MYOF: variants seen among roughly 807,000 people sequenced by gnomAD.
MYOF encodes the protein fer-1-like 3, myoferlin.
A neutral mutation model predicts 284.2 loss-of-function variants in MYOF; 244 were observed. The ratio of observed to expected loss-of-function variants is 0.86; its 90% CI spans 0.77 to 0.95. The LOEUF (loss-of-function observed/expected upper bound fraction) is 0.95, where lower values mean the gene tolerates loss of function less well. Ranked by LOEUF, MYOF falls within the 40% of genes least tolerant of loss-of-function variation. The pLI is 0.00. For synonymous variants in MYOF, 904 were observed against 919.7 expected (o/e 0.98, Z 0.31); for missense variants, 2,496 against 2,560.6 (o/e 0.97, Z 0.54).
chr10:93,376,764 TC>T (rs1589463950), intron 22 of MYOF, among the ~76,000 whole-genome samples: 1 of 152,180 alleles, frequency 6.6e-6, no homozygotes, highest in East Asian at 1.9e-4. Context: ...CTGAGCTGTT[TC>T]CCCGAATCAG....
At chr10:93,375,391 T>G (rs1845791509) in intron 22 of MYOF, among the ~76,000 whole-genome samples, 1 of 152,236 alleles carries the variant, frequency 6.6e-6, no homozygotes, top group African/African-American at 2.4e-5. Flanking sequence ...CCTGGGCCTT[T>G]AAGCAATCTA....
intron 1 of MYOF, among the ~76,000 whole-genome samples, chr10:93,469,205 GC>G (rs2057081295): frequency 1.3e-5 from 2 of 152,118 alleles, no homozygotes; most frequent in African/African-American, 4.8e-5. Context: ...TTCGAGGCCA[GC>G]CTGGCCAACT....
chr10:93,333,933 G>T lies in MYOF; in HGVS notation c.4564-20C>A. ...GGAGCCCTAAAAGAGAGAGACAGAA[G>T]GACTCACAGGGCCCTGGGTGGCCCA... is the stretch of plus-strand genomic sequence containing the variant. On this transcript the variant is annotated intron_variant, in intron 41 of 53. Coordinates refer to ENST00000359263, the MANE Select transcript of MYOF (RefSeq NM_013451.4). The T allele has an allele frequency of 6.2e-7, 1 of 1,610,500 alleles. No homozygotes were observed. Among genetic ancestry groups the T allele is most frequent in the Non-Finnish European group, 8.5e-7 (1 of 1,178,334 alleles).
rs1404743834 is a variant in MYOF, at chr10:93,356,728, C to A, written c.3241G>T (p.Ala1081Ser). The change falls in exon 30 of 54, where the codon GCT (alanine) becomes TCT (serine). Residue 1081 changes from alanine to serine, a missense_variant. Coordinates refer to ENST00000359263, the MANE Select transcript of MYOF (RefSeq NM_013451.4). ...GCTGCACCATGTGTTTCTGAAGGAGCCATTTTTCTCCTCCAGCGTCTGCGG... is the reference window on the plus strand; with the variant it reads ...GCTGCACCATGTGTTTCTGAAGGAGACATTTTTCTCCTCCAGCGTCTGCGG... ...FRRRRWRRKMAPSETHGAAAI... is the reference protein window; with the variant it reads ...FRRRRWRRKMSPSETHGAAAI... 6.2e-7 allele frequency: 1 copy of A among 1,614,142 alleles called. No homozygotes were observed. The highest frequency in any genetic ancestry group is 8.5e-7 in the Non-Finnish European group (1 of 1,180,014).
chr10:93,476,085 C>G (rs978486264), intron 1 of MYOF, among the ~76,000 whole-genome samples: 2 of 152,040 alleles, frequency 1.3e-5, no homozygotes, highest in Admixed American at 1.3e-4. Context: ...TGGGAATACC[C>G]GAGTAGTGTG....
intron 1 of MYOF, among the ~76,000 whole-genome samples, chr10:93,460,535 G>A (rs964855162): frequency 1.3e-5 from 2 of 152,142 alleles, no homozygotes; most frequent in South Asian, 2.1e-4. Flanking sequence ...AGGCCAAGGC[G>A]GGTGGACTGC....
intron 1 of MYOF, among the ~76,000 whole-genome samples, chr10:93,462,783 G>C (rs934928911): frequency 1.3e-5 from 2 of 149,958 alleles, no homozygotes; most frequent in Non-Finnish European, 3.0e-5. Flanking sequence ...TCAGCAGCCA[G>C]TCACATATTT....
In MYOF at chr10:93,396,193, T is replaced by C. The variant is rs1421423935; in HGVS notation, c.1366A>G (p.Thr456Ala). The stretch of plus-strand genomic sequence containing the variant: ...ATTTTAGAGAGGTGTAGATATGTTG[T>C]TCCAACTACATCATTTTTAGTAAGA... Reference protein sequence around the residue: ...DRLTKNDVVGTTYLHLSKIAA... With the variant: ...DRLTKNDVVGATYLHLSKIAA... Residue 456 changes from threonine (T) to alanine (A), a missense_variant, in exon 16 of 54, where the codon ACA becomes GCA. Around this residue, in one of 3 missense-constraint regions of MYOF, gnomAD observed 2,436 missense variants for 2,480.7 expected, o/e 0.98. Coordinates refer to ENST00000359263, the MANE Select transcript of MYOF (RefSeq NM_013451.4). 2 of 1,605,038 alleles carry C rather than the reference T, an allele frequency of 1.2e-6. No homozygotes were observed. Among genetic ancestry groups the C allele is most frequent in the South Asian group, 1.1e-5 (1 of 88,926 alleles).
At chr10:93,332,693 A>C (rs551293244) in intron 43 of MYOF, among the ~76,000 whole-genome samples, 14 of 152,040 alleles carry the variant, frequency 9.2e-5, no homozygotes, top group African/African-American at 2.9e-4. Context: ...AAAATACAAA[A>C]AAAATTAGCC....
chr10:93,472,710 TA>T (rs1163872417), intron 1 of MYOF, among the ~76,000 whole-genome samples: 1 of 152,212 alleles, frequency 6.6e-6, no homozygotes, highest in Non-Finnish European at 1.5e-5. Flanking sequence ...AATCTTACGT[TA>T]TATGTGTTTT....
At chr10:93,344,302 GT>G (rs1169925215) in intron 37 of MYOF, among the ~76,000 whole-genome samples, 1 of 152,128 alleles carries the variant, frequency 6.6e-6, no homozygotes, top group Admixed American at 6.5e-5. Context: ...GGTACAAGAG[GT>G]TTTTGGTTAC....
At chr10:93,438,710 C>A (rs1370551996) in intron 3 of MYOF, among the ~76,000 whole-genome samples, 1 of 152,096 alleles carries the variant, frequency 6.6e-6, no homozygotes, top group East Asian at 1.9e-4. Context: ...GAAGGCAACG[C>A]GGGATCTGGG....
chr10:93,360,042 T>G (rs1844995456), intron 28 of MYOF, 64 bp from the exon 29 acceptor site: 45 of 1,590,664 alleles, frequency 2.8e-5, no homozygotes, highest in Non-Finnish European at 3.8e-5. Flanking sequence ...CAAATAAACC[T>G]CGAGGAAACA....
At chr10:93,452,663 C>T (rs1009720806) in intron 2 of MYOF, among the ~76,000 whole-genome samples, 7 of 151,616 alleles carry the variant, frequency 4.6e-5, no homozygotes, top group Non-Finnish European at 5.9e-5. Context: ...ATGTAACAAA[C>T]CTGCACTTTG....
chr10:93,455,336 C>T (rs961791108), intron 2 of MYOF, among the ~76,000 whole-genome samples: 1 of 150,368 alleles, frequency 6.7e-6, no homozygotes, highest in Non-Finnish European at 1.5e-5. Flanking sequence ...AAAAAAAACC[C>T]CCAAGGCATT....
chr10:93,323,455 CT>C (rs1554837195), intron 46 of MYOF, 97 bp from the exon 47 acceptor site: 1 of 527,988 alleles, frequency 1.9e-6, no homozygotes. Flanking sequence ...CTATTTCTTT[CT>C]TTGGTCTCTC....
rs371546726 is a variant in MYOF, at chr10:93,349,881, C to T, written c.4010G>A (p.Arg1337Lys). The T allele has an allele frequency of 1.9e-6, 3 of 1,614,128 alleles. No homozygotes were observed. Among genetic ancestry groups the T allele is most frequent in the Middle Eastern group, 3.3e-4 (2 of 6,062 alleles). The change falls in exon 36 of 54, where the codon AGG becomes AAG. Residue 1337 changes from arginine to lysine, a missense_variant. Transcript: ENST00000359263. ...PSLVVECGGE[R>K]VESVVIKNLK... ...GTTTTTGATCACCACCGATTCCACC[C>T]TTTCTCCTCCACACTCCACAACAAG...
intron 3 of MYOF, among the ~76,000 whole-genome samples, chr10:93,443,177 A>G (rs1000796695): frequency 2.0e-5 from 3 of 151,348 alleles, no homozygotes; most frequent in African/African-American, 7.3e-5. Context: ...AATTTTTTTT[A>G]AAGAATTATA....
Position 93,340,183 on chromosome 10 carries a change from C to T in MYOF, c.4327-19G>A, listed in dbSNP as rs1168096192. 17 of 1,613,888 alleles carry T rather than the reference C, an allele frequency of 1.1e-5. No homozygotes were observed. Among genetic ancestry groups the T allele is most frequent in the African/African-American group, 1.3e-5 (1 of 75,014 alleles). Reference sequence around the variant, plus strand: ...CTGTCAGCTGCTCGTGCACATGTCCCGTGAGGAAGAGGGCAAACCATATAA... The same window carrying T: ...CTGTCAGCTGCTCGTGCACATGTCCTGTGAGGAAGAGGGCAAACCATATAA... On this transcript the variant is annotated intron_variant, in intron 38 of 53. Transcript: ENST00000359263.
Sources: allele counts gnomAD v4.1 joint callset (sites outside exome capture counted in the v4.1 genomes callset), GRCh38; gene constraint gnomAD v4.1.1; regional missense constraint gnomAD v4.1.1; transcripts MANE v1.5; gene names NCBI Gene and HGNC (gene_info 2026-07-23, HGNC 2026-07-21).